CFAP298: variants seen among roughly 807,000 people sequenced by gnomAD.
CFAP298 encodes cilia and flagella associated protein 298.
CFAP298 carries 38 observed loss-of-function variants against 41.0 expected under a neutral mutation model. The ratio of observed to expected loss-of-function variants is 0.93; its 90% CI spans 0.72 to 1.22. The LOEUF (loss-of-function observed/expected upper bound fraction) is 1.22. CFAP298 is among the 50% of genes most tolerant of loss of function. The pLI is 0.00. For synonymous variants in CFAP298, 137 were observed against 135.3 expected (o/e 1.01, Z -0.09); for missense variants, 348 against 360.3 (o/e 0.97, Z 0.28).
chr21:32,610,035 A>G (rs745535175), intron 1 of CFAP298, 30 bp from the exon 2 acceptor site: 1 of 1,588,296 alleles, frequency 6.3e-7, no homozygotes, highest in Non-Finnish European at 8.6e-7. Flanking sequence ...CAGTATCACA[A>G]TCATAACACC....
chr21:32,612,375 G>T lies in CFAP298; in HGVS notation c.-132C>A. Reference sequence around the variant, plus strand: ...AGCCGCTCACAGTCCGGAATCCCACGCTCCCTAGCCCGCGGTGAGCGGGGG... The same window carrying T: ...AGCCGCTCACAGTCCGGAATCCCACTCTCCCTAGCCCGCGGTGAGCGGGGG... On this transcript the variant is annotated 5_prime_UTR_variant, in exon 1 of 7. Coordinates refer to ENST00000290155, the MANE Select transcript of CFAP298 (RefSeq NM_021254.4). The T allele has an allele frequency of 1.4e-6, 2 of 1,423,554 alleles. No individual in the cohort carries two copies. Among genetic ancestry groups the T allele is most frequent in the South Asian group, 1.5e-5 (1 of 65,848 alleles). 88.2% of individuals were successfully genotyped at this position (1,423,554 alleles called of 1,614,324 possible).
At chr21:32,607,309 T>C (rs1480825618) in intron 3 of CFAP298, among the ~76,000 whole-genome samples, 1 of 152,066 alleles carries the variant, frequency 6.6e-6, no homozygotes, top group African/African-American at 2.4e-5. Flanking sequence ...AAGACAAGTT[T>C]TAGGCCGGGC....
rs763186360 is a variant in CFAP298, at chr21:32,604,215, G to C, written c.444C>G (p.Gly148=). 1.2e-6 allele frequency: 2 copies of C among 1,613,916 alleles called. No individual in the cohort carries two copies. Among genetic ancestry groups the C allele is most frequent in the African/African-American group, 2.7e-5 (2 of 74,890 alleles). ...MVKDALDQLR[G]AVMIVYPMGL... ...CCATGGGGTAAACAATCATCACCGC[G>C]CCTCGAAGCTGGTCCAAGGCATCTT... The change falls in exon 4 of 7, where the codon GGC becomes GGG. Residue 148 remains glycine (G), a synonymous_variant. Transcript: ENST00000290155.
At chr21:32,607,594 C>CAAAAAA in intron 3 of CFAP298, 55 bp downstream of exon 3, 3 of 825,274 alleles carry the variant, frequency 3.6e-6, no homozygotes, top group Non-Finnish European at 3.5e-6. Context: ...ATTCCATCTC[C>CAAAAAA]AAAAAAAAAA....
intron 5 of CFAP298, 45 bp downstream of exon 5, chr21:32,603,116 G>A (rs752986653): frequency 6.2e-7 from 1 of 1,603,406 alleles, no homozygotes; most frequent in Non-Finnish European, 8.5e-7. Context: ...CAGTTTGAAG[G>A]GAAATAACAA....
intron 1 of CFAP298, among the ~76,000 whole-genome samples, chr21:32,610,972 C>A (rs141606092): frequency 4.8e-4 from 73 of 152,092 alleles, no homozygotes; most frequent in African/African-American, 1.7e-3. Context: ...CTGTCTAATG[C>A]GGCAGCTACT....
Position 32,602,112 on chromosome 21 carries a change from G to A in CFAP298, c.763-139C>T, listed in dbSNP as rs1176513373. The A allele has an allele frequency of 7.0e-6, 6 of 859,850 alleles. No homozygotes were observed. In the South Asian group the frequency reaches 8.9e-5, roughly 13 times the overall value. 53.3% of individuals were successfully genotyped at this position (859,850 alleles called of 1,614,324 possible). Reference sequence around the variant, plus strand: ...AGGATACTGCCATGTCTAACACCAGGGGACACCTGGCAGGACCCCGACAGA... The same window carrying A: ...AGGATACTGCCATGTCTAACACCAGAGGACACCTGGCAGGACCCCGACAGA... On this transcript the variant is annotated intron_variant, in intron 6 of 6. Transcript: ENST00000290155.
Position 32,601,092 on chromosome 21 carries a change from G to A in CFAP298, c.*771C>T, listed in dbSNP as rs1315077126. ...TTAAAGAAGGCTACAGTTAGACCCCGCAGCAGGGTTAGAGAAGTCTCTCCA... is the reference window on the plus strand; with the variant it reads ...TTAAAGAAGGCTACAGTTAGACCCCACAGCAGGGTTAGAGAAGTCTCTCCA... On this transcript the variant is annotated 3_prime_UTR_variant, in exon 7 of 7. Coordinates refer to ENST00000290155, the MANE Select transcript of CFAP298 (RefSeq NM_021254.4). 2.0e-5 allele frequency among the ~76,000 whole-genome samples: 3 copies of A among 152,060 alleles called. No individual in the cohort carries two copies. The highest frequency in any genetic ancestry group is 6.5e-5 in the Admixed American group (1 of 15,272).
Position 32,609,952 on chromosome 21 carries a change from G to A in CFAP298, c.193C>T (p.Leu65=). 1 of 1,613,904 alleles carries A rather than the reference G, an allele frequency of 6.2e-7. No homozygotes were observed. The change falls in exon 2 of 7, where the codon CTG becomes TTG. Residue 65 remains leucine, a synonymous_variant. Transcript: ENST00000290155. The stretch of plus-strand genomic sequence containing the variant: ...AATTCTTCAATCTGATCATCGGTCA[G>A]TCCTTGCATATTAGGAGGGAGAAAT... ...GIFLPPNMQG[L]TDDQIEELKL...
rs567286711 is a variant in CFAP298 at position 32,600,351 on chromosome 21, C to A, written c.*1512G>T. 4.5e-4 allele frequency among the ~76,000 whole-genome samples: 68 copies of A among 152,370 alleles called. No homozygotes were observed. The highest frequency in any genetic ancestry group is 1.6e-3 in the African/African-American group (66 of 41,586). On this transcript the variant is annotated 3_prime_UTR_variant, in exon 7 of 7. Coordinates refer to ENST00000290155, the MANE Select transcript of CFAP298 (RefSeq NM_021254.4). ...GCTTTGCTCTCAGGTCTGGGACCCACCCCCTGGGCAAGGCCGCCTGGCAGC... is the reference window on the plus strand; with the variant it reads ...GCTTTGCTCTCAGGTCTGGGACCCAACCCCTGGGCAAGGCCGCCTGGCAGC...
Position 32,611,339 on chromosome 21 carries a change from AAT to A in CFAP298, c.139+764_139+765del, listed in dbSNP as rs1409933193. On this transcript the variant is annotated intron_variant, in intron 1 of 6. Coordinates refer to ENST00000290155, the MANE Select transcript of CFAP298 (RefSeq NM_021254.4). ...ATACCATATATATATATATATATAT[AAT>A]TTATTTATATTTATATATACATATA... Among the ~76,000 whole-genome samples, 87 of 123,910 alleles carry A rather than the reference AAT, an allele frequency of 7.0e-4. 1 individual carries two copies. Among genetic ancestry groups the A allele is most frequent in the Non-Finnish European group, 9.3e-4 (58 of 62,040 alleles). The allele number at this position is 123,910 out of a possible 152,430, so 81.3% of individuals were successfully genotyped here.
rs1359320125 is a variant in CFAP298 at position 32,612,132 on chromosome 21, G to T, written c.112C>A (p.Arg38=). 6.4e-7 allele frequency: 1 copy of T among 1,564,762 alleles called. No homozygotes were observed. Residue 38 remains arginine (R), a synonymous_variant, in exon 1 of 7, where the codon CGG becomes AGG. Coordinates refer to ENST00000290155, the MANE Select transcript of CFAP298 (RefSeq NM_021254.4). ...GAGCAGAGGCGCTGCACCTTGAGCCGCCCATTATAGACCCGGGCCACCTGC... is the reference window on the plus strand; with the variant it reads ...GAGCAGAGGCGCTGCACCTTGAGCCTCCCATTATAGACCCGGGCCACCTGC... The part of the protein sequence containing the change: ...TVQVARVYNG[R]LKVQRLCSEM...
Position 32,600,958 on chromosome 21 carries a change from G to A in CFAP298, c.*905C>T, listed in dbSNP as rs183039173. Among the ~76,000 whole-genome samples the A allele has an allele frequency of 7.5e-4, 115 of 152,364 alleles. No individual in the cohort carries two copies. The highest frequency in any genetic ancestry group is 2.6e-3 in the African/African-American group (109 of 41,594). ...TTCGCTCCCAGAATACAAGGCCAGAGAGGCACCAACCAGGAGGCAAACTTC... is the reference window on the plus strand; with the variant it reads ...TTCGCTCCCAGAATACAAGGCCAGAAAGGCACCAACCAGGAGGCAAACTTC... On this transcript the variant is annotated 3_prime_UTR_variant, in exon 7 of 7. Coordinates refer to ENST00000290155, the MANE Select transcript of CFAP298 (RefSeq NM_021254.4).
chr21:32,609,875 C>T lies in CFAP298; in HGVS notation c.270G>A (p.Val90=), dbSNP rs111591095. ...GEKCVPSGGA[V]FKKDDIGRRN... ...TTCGTCCAATATCATCCTTTTTAAA[C>T]ACTGCACCTCCGCTGGGTACGCATT... Residue 90 remains valine (V), a synonymous_variant, in exon 2 of 7, where the codon GTG becomes GTA. Coordinates refer to ENST00000290155, the MANE Select transcript of CFAP298 (RefSeq NM_021254.4). 1.1e-3 allele frequency: 1,766 copies of T among 1,614,088 alleles called. 11 individuals are homozygous for T. The African/African-American group carries it at 0.016, about 14-fold the overall frequency.
At chr21:32,604,559 G>GGCAGTGAGGATCGGGA (rs1183588107) in intron 3 of CFAP298, 12 of 402,758 alleles carry the variant, frequency 3.0e-5, no homozygotes, top group African/African-American at 2.4e-4. Flanking sequence ...CAGCACAGAT[G>GGCAGTGAGGATCGGGA]GCAGTGAGGA....
At position 32,611,971 on chromosome 21, in the gene CFAP298, C is replaced by A. The variant is rs762709127; in HGVS notation, c.139+134G>T. 3.9e-4 allele frequency: 420 copies of A among 1,087,790 alleles called. 1 individual carries two copies. Among genetic ancestry groups the A allele is most frequent in the Middle Eastern group, 2.4e-3 (8 of 3,330 alleles). The allele number at this position is 1,087,790 out of a possible 1,614,324, so 67.4% of individuals were successfully genotyped here. A position where few individuals can be genotyped will look rare whatever the true frequency, so the allele number is the denominator to read the frequency against. On this transcript the variant is annotated intron_variant, in intron 1 of 6. Transcript: ENST00000290155. The stretch of plus-strand genomic sequence containing the variant: ...TCATCTCCGGTTAACCCTAGTGTCC[C>A]GTTTCAACCCCGGCTGCTGCAAATC...
chr21:32,606,641 T>G (rs2038872742), intron 3 of CFAP298, among the ~76,000 whole-genome samples: 1 of 152,234 alleles, frequency 6.6e-6, no homozygotes, highest in East Asian at 1.9e-4. Flanking sequence ...GCTGAGGCTC[T>G]TCAAAGATTA....
intron 4 of CFAP298, 43 bp from the exon 5 acceptor site, chr21:32,603,335 CA>C: frequency 6.2e-7 from 1 of 1,610,258 alleles, no homozygotes; most frequent in Non-Finnish European, 8.5e-7. Flanking sequence ...TGTTCCCACC[CA>C]GGGGGCAGAG....
intron 5 of CFAP298, chr21:32,602,950 T>C (rs2038778533): frequency 1.9e-6 from 2 of 1,078,728 alleles, no homozygotes; most frequent in Non-Finnish European, 2.6e-6. Context: ...CCCCCACATA[T>C]TAAAACAAAC....
Sources: allele counts gnomAD v4.1 joint callset (sites outside exome capture counted in the v4.1 genomes callset), GRCh38; gene constraint gnomAD v4.1.1; transcripts MANE v1.5; gene names NCBI Gene and HGNC (gene_info 2026-07-23, HGNC 2026-07-21).